Variants in STARD13 observed in about 807,000 individuals in gnomAD.
STARD13 encodes StAR related lipid transfer domain containing 13.
A neutral mutation model predicts 106.4 loss-of-function variants in STARD13; 62 were observed. The ratio of observed to expected loss-of-function variants is 0.58; its 90% CI spans 0.48 to 0.72. STARD13 has a LOEUF of 0.72. STARD13 is among the 30% of genes least tolerant of loss of function. STARD13 has a pLI of 0.00. For missense variants in STARD13, 1,387 were observed against 1,424.0 expected (o/e 0.97, Z 0.42); for synonymous variants, 565 against 553.0 (o/e 1.02, Z -0.31).
At chr13:33,618,845 C>T in the STARD13 span, among the ~76,000 whole-genome samples, 1 of 151,934 alleles carries the variant, frequency 6.6e-6, no homozygotes, top group Admixed American at 6.6e-5. Flanking sequence ...TAAGATCAGA[C>T]TTCAAGATGA....
At chr13:33,531,015 CAT>C in the STARD13 span, among the ~76,000 whole-genome samples, 1,504 of 152,258 alleles carry the variant, frequency 9.9e-3, 30 homozygotes, top group African/African-American at 0.034. Flanking sequence ...CACAATTCCA[CAT>C]GTTGTGGGAG....
the STARD13 span, among the ~76,000 whole-genome samples, chr13:33,417,402 A>G: frequency 6.6e-6 from 1 of 152,120 alleles, no homozygotes; most frequent in East Asian, 1.9e-4. Flanking sequence ...AACGAAAGAA[A>G]TGTCTTTCTT....
At chr13:33,314,711 T>C (rs573617591) in intron 1 of STARD13, among the ~76,000 whole-genome samples, 41 of 152,238 alleles carry the variant, frequency 2.7e-4, no homozygotes, top group African/African-American at 9.4e-4. Flanking sequence ...GACAAAGAAA[T>C]GACCAGAAAA....
At chr13:33,120,571 A>G (rs151278221) in intron 7 of STARD13, among the ~76,000 whole-genome samples, 227 of 152,260 alleles carry the variant, frequency 1.5e-3, no homozygotes, top group African/African-American at 5.2e-3. Flanking sequence ...ATAGACGTAT[A>G]TATATATTTT....
intron 1 of STARD13, among the ~76,000 whole-genome samples, chr13:33,237,077 T>G (rs1483423267): frequency 1.3e-5 from 2 of 152,176 alleles, no homozygotes; most frequent in Non-Finnish European, 2.9e-5. Flanking sequence ...ACACGTTAAC[T>G]TTTTCTCTTT....
At chr13:33,337,603 T>G (rs1182714127) in intron 1 of STARD13, among the ~76,000 whole-genome samples, 1 of 152,236 alleles carries the variant, frequency 6.6e-6, no homozygotes, top group Non-Finnish European at 1.5e-5. Flanking sequence ...AACACTTTCT[T>G]TTTTGGGGGT....
the STARD13 span, among the ~76,000 whole-genome samples, chr13:33,559,793 G>A: frequency 2.0e-5 from 3 of 151,452 alleles, no homozygotes; most frequent in East Asian, 5.8e-4. Context: ...GGAGGTGGAC[G>A]TTGCAGTGAG....
chr13:33,546,032 T>C, the STARD13 span, among the ~76,000 whole-genome samples: 1 of 152,280 alleles, frequency 6.6e-6, no homozygotes, highest in East Asian at 1.9e-4. Flanking sequence ...TTATTTATTA[T>C]GGCTGTTAAC....
chr13:33,533,349 A>T, the STARD13 span, among the ~76,000 whole-genome samples: 1 of 152,194 alleles, frequency 6.6e-6, no homozygotes, highest in Non-Finnish European at 1.5e-5. Context: ...AGCAGCTTTA[A>T]ATTAGGTAAG....
At chr13:33,323,941 A>C (rs1169946039) in intron 1 of STARD13, among the ~76,000 whole-genome samples, 1 of 152,206 alleles carries the variant, frequency 6.6e-6, no homozygotes, top group African/African-American at 2.4e-5. Context: ...GGATTTCATA[A>C]GGCTATTTCC....
chr13:33,286,972 CTTCT>C (rs982246212), upstream of STARD13, among the ~76,000 whole-genome samples: 13 of 151,750 alleles, frequency 8.6e-5, no homozygotes, highest in Non-Finnish European at 1.8e-4. Context: ...CCCTGTTTTT[CTTCT>C]TTAACATTGT....
At chr13:33,541,041 C>T in the STARD13 span, among the ~76,000 whole-genome samples, 3 of 152,066 alleles carry the variant, frequency 2.0e-5, no homozygotes, top group Non-Finnish European at 4.4e-5. Flanking sequence ...GCCACTATTT[C>T]TGAATATATG....
chr13:33,171,970 G>A (rs1884013285), intron 1 of STARD13, among the ~76,000 whole-genome samples: 2 of 152,176 alleles, frequency 1.3e-5, no homozygotes, highest in African/African-American at 4.8e-5. Flanking sequence ...TGAGAACAAA[G>A]GCACCGTGGA....
At chr13:33,541,124 C>T in the STARD13 span, among the ~76,000 whole-genome samples, 745 of 151,930 alleles carry the variant, frequency 4.9e-3, 4 homozygotes, top group Middle Eastern at 0.02. Flanking sequence ...GAAGCAATCC[C>T]TCAATTTAAG....
chr13:33,229,844 A>G (rs1403080405), intron 1 of STARD13, among the ~76,000 whole-genome samples: 2 of 152,240 alleles, frequency 1.3e-5, no homozygotes, highest in Non-Finnish European at 2.9e-5. Context: ...CAGAGCTCAC[A>G]TTCAAAGGCA....
intron 1 of STARD13, among the ~76,000 whole-genome samples, chr13:33,201,804 G>C (rs1464638937): frequency 6.6e-6 from 1 of 152,170 alleles, no homozygotes; most frequent in African/African-American, 2.4e-5. Context: ...TGCTCAACTT[G>C]ATTGTTCCAA....
chr13:33,482,381 G>C, the STARD13 span, among the ~76,000 whole-genome samples: 44 of 152,250 alleles, frequency 2.9e-4, no homozygotes, highest in African/African-American at 9.1e-4. Flanking sequence ...GTTTTTAACA[G>C]GTGCCTTTTC....
At chr13:33,421,426 A>G in the STARD13 span, among the ~76,000 whole-genome samples, 1 of 152,238 alleles carries the variant, frequency 6.6e-6, no homozygotes, top group African/African-American at 2.4e-5. Context: ...TAGACCAATC[A>G]TAGGCTCTGA....
chr13:33,235,709 C>G (rs1224381858), intron 1 of STARD13, among the ~76,000 whole-genome samples: 1 of 152,206 alleles, frequency 6.6e-6, no homozygotes, highest in African/African-American at 2.4e-5. Context: ...GTCTGGAAAC[C>G]TCTGACATGA....
Sources: allele counts gnomAD v4.1 joint callset (sites outside exome capture counted in the v4.1 genomes callset), GRCh38; gene constraint gnomAD v4.1.1; transcripts MANE v1.5; gene names NCBI Gene and HGNC (gene_info 2026-07-23, HGNC 2026-07-21).